The following EPHA6 variants were observed in gnomAD, a reference collection of about 807,000 sequenced individuals.
EPHA6 encodes the protein EPH receptor A6.
In EPHA6, 50 loss-of-function variants were observed where a neutral mutation model predicts 112.0. The ratio of observed to expected loss-of-function variants is 0.45; its 90% CI spans 0.36 to 0.56. The LOEUF (loss-of-function observed/expected upper bound fraction) is 0.56. EPHA6 is among the 20% of genes least tolerant of loss of function. EPHA6 has a pLI of 0.00. For missense variants in EPHA6, 1,280 were observed against 1,417.4 expected (o/e 0.90, Z 1.56); for synonymous variants, 529 against 490.7 (o/e 1.08, Z -1.03).
At chr3:97,281,228 T>TGC (rs375427847) in intron 5 of EPHA6, among the ~76,000 whole-genome samples, 1 of 93,346 alleles carries the variant, frequency 1.1e-5, no homozygotes, top group Non-Finnish European at 1.9e-5. Context: ...TGTGTGTGTG[T>TGC]GCGCGCGTGT....
chr3:96,966,011 G>C (rs977812869), intron 2 of EPHA6, among the ~76,000 whole-genome samples: 1 of 151,946 alleles, frequency 6.6e-6, no homozygotes, highest in South Asian at 2.1e-4. Context: ...TATTGTGTTA[G>C]TGAACAAAAT....
chr3:96,892,625 G>A (rs2038032219), intron 2 of EPHA6, among the ~76,000 whole-genome samples: 2 of 151,758 alleles, frequency 1.3e-5, no homozygotes. Context: ...TATTGTCTGT[G>A]TAATGACTGC....
At chr3:96,893,168 C>T (rs950356979) in intron 2 of EPHA6, among the ~76,000 whole-genome samples, 31 of 151,918 alleles carry the variant, frequency 2.0e-4, no homozygotes, top group Admixed American at 1.8e-3. Context: ...AAACCTACTG[C>T]GCTGCTAGTC....
intron 5 of EPHA6, among the ~76,000 whole-genome samples, chr3:97,402,574 G>GT (rs931664126): frequency 2.6e-5 from 4 of 151,768 alleles, no homozygotes; most frequent in Non-Finnish European, 5.9e-5. Context: ...GTTAGGTCTT[G>GT]TTTTTTTAAG....
At chr3:97,435,367 T>C (rs2089769030) in intron 6 of EPHA6, among the ~76,000 whole-genome samples, 1 of 152,202 alleles carries the variant, frequency 6.6e-6, no homozygotes, top group South Asian at 2.1e-4. Flanking sequence ...AGTAGTTGTA[T>C]TTGTATCTGG....
At chr3:97,673,184 A>C (rs768072128) in intron 14 of EPHA6, among the ~76,000 whole-genome samples, 2 of 152,226 alleles carry the variant, frequency 1.3e-5, no homozygotes, top group South Asian at 4.1e-4. Flanking sequence ...CCTTGAAGTC[A>C]GAGTTGAATG....
intron 2 of EPHA6, among the ~76,000 whole-genome samples, chr3:96,881,925 A>G (rs1386510739): frequency 6.6e-6 from 1 of 152,150 alleles, no homozygotes; most frequent in Non-Finnish European, 1.5e-5. Flanking sequence ...CATGTCTCAC[A>G]TCCAGGTCAT....
chr3:97,115,850 T>C (rs1346862028), intron 3 of EPHA6, among the ~76,000 whole-genome samples: 1 of 151,828 alleles, frequency 6.6e-6, no homozygotes, highest in East Asian at 1.9e-4. Context: ...ACATATATGA[T>C]ACGTTATTGA....
rs529672577 is a variant in EPHA6, at chr3:97,463,979, G to A, written c.1895-11373G>A. 4.6e-5 allele frequency among the ~76,000 whole-genome samples: 7 copies of A among 152,208 alleles called. No homozygotes were observed. In the South Asian group the frequency reaches 1.2e-3, roughly 27 times the overall value. On this transcript the variant is annotated intron_variant, in intron 7 of 17. Coordinates refer to ENST00000389672, the MANE Select transcript of EPHA6 (RefSeq NM_001080448.3). ...CAGACTAGGCTTCAAAAAAGATTGA[G>A]ACAAGAAACTGGAAAATTCTCCAAA...
intron 3 of EPHA6, among the ~76,000 whole-genome samples, chr3:97,084,571 T>A (rs1207629897): frequency 1.3e-5 from 2 of 152,028 alleles, no homozygotes; most frequent in Admixed American, 6.6e-5. Context: ...ACAAAATCAA[T>A]GTATGAAAAT....
At chr3:97,127,194 G>A (rs1278966112) in intron 3 of EPHA6, among the ~76,000 whole-genome samples, 2 of 152,144 alleles carry the variant, frequency 1.3e-5, no homozygotes, top group African/African-American at 4.8e-5. Context: ...CAGCAGTCAG[G>A]GAGAAATGTA....
intron 3 of EPHA6, among the ~76,000 whole-genome samples, chr3:97,177,950 A>T (rs999918987): frequency 3.3e-5 from 5 of 152,054 alleles, no homozygotes; most frequent in Non-Finnish European, 7.4e-5. Flanking sequence ...TTTACATTCA[A>T]TGTTATTATT....
At chr3:97,549,468 A>T (rs1442005125) in intron 11 of EPHA6, among the ~76,000 whole-genome samples, 1 of 152,174 alleles carries the variant, frequency 6.6e-6, no homozygotes, top group African/African-American at 2.4e-5. Context: ...TAAGAACAAA[A>T]TGTCAGAATC....
chr3:96,973,645 G>A (rs1352869865), intron 2 of EPHA6, among the ~76,000 whole-genome samples: 1 of 151,084 alleles, frequency 6.6e-6, no homozygotes, highest in East Asian at 1.9e-4. Flanking sequence ...CCAACATGGT[G>A]AAACCCTGTC....
chr3:97,449,329 T>C (rs2090452525), intron 7 of EPHA6, among the ~76,000 whole-genome samples: 1 of 152,112 alleles, frequency 6.6e-6, no homozygotes, highest in Non-Finnish European at 1.5e-5. Flanking sequence ...TGAACTCTTT[T>C]TGGCCTTCAG....
At chr3:97,740,404 C>T (rs535929138) in intron 16 of EPHA6, among the ~76,000 whole-genome samples, 6 of 152,100 alleles carry the variant, frequency 3.9e-5, no homozygotes, top group Non-Finnish European at 7.4e-5. Context: ...TGTGGCATCC[C>T]AGGACGGGCA....
At chr3:97,477,454 AGGGG>A (rs1335951322) in intron 8 of EPHA6, among the ~76,000 whole-genome samples, 13 of 44,292 alleles carry the variant, frequency 2.9e-4, no homozygotes, top group African/African-American at 1.8e-3. Context: ...AGGGAAGGGG[AGGGG>A]AGGGGAGGGG....
intron 10 of EPHA6, among the ~76,000 whole-genome samples, chr3:97,493,346 C>A (rs1040367331): frequency 1.3e-5 from 2 of 151,930 alleles, no homozygotes; most frequent in Non-Finnish European, 2.9e-5. Context: ...TTTATTTTCT[C>A]ACAGTTCTGG....
chr3:97,738,100 GATTACA>G (rs1166036603), intron 16 of EPHA6, among the ~76,000 whole-genome samples: 1 of 151,884 alleles, frequency 6.6e-6, no homozygotes, highest in African/African-American at 2.4e-5. Flanking sequence ...GCATAAGACA[GATTACA>G]ATAGAGGAAG....
Sources: allele counts gnomAD v4.1 joint callset (sites outside exome capture counted in the v4.1 genomes callset), GRCh38; gene constraint gnomAD v4.1.1; transcripts MANE v1.5; gene names NCBI Gene and HGNC (gene_info 2026-07-23, HGNC 2026-07-21).